POFUT1: variants seen among roughly 807,000 people sequenced by gnomAD.
POFUT1 encodes the protein GDP-fucose protein O-fucosyltransferase 1.
POFUT1 carries 16 observed loss-of-function variants against 42.4 expected under a neutral mutation model. The ratio of observed to expected loss-of-function variants is 0.38; its 90% CI spans 0.26 to 0.57. The LOEUF (loss-of-function observed/expected upper bound fraction) is 0.57, where lower values mean the gene tolerates loss of function less well. Ranked by LOEUF, POFUT1 falls within the 20% of genes least tolerant of loss-of-function variation. POFUT1 has a pLI of 0.71. For missense variants in POFUT1, 470 were observed against 504.6 expected, an observed-to-expected ratio of 0.93 and a Z score of 0.66; for synonymous variants, 206 against 205.4, an observed-to-expected ratio of 1.00 and a Z score of -0.03.
Position 32,234,851 on chromosome 20 carries a change from G to A in POFUT1, c.*190G>A. 1 of 533,640 alleles carries A rather than the reference G, an allele frequency of 1.9e-6. No homozygotes were observed. The highest frequency in any genetic ancestry group is 3.3e-6 in the Non-Finnish European group (1 of 305,356). 33.1% of individuals were successfully genotyped at this position (533,640 alleles called of 1,614,324 possible). A position where few individuals can be genotyped will look rare whatever the true frequency, so the allele number is the denominator to read the frequency against. On this transcript the variant is annotated 3_prime_UTR_variant, in exon 7 of 7. Coordinates refer to ENST00000375749, the MANE Select transcript of POFUT1 (RefSeq NM_015352.2). ...CATATCCCAGGGCATAGGACTTGCA[G>A]GTTCCTAGGAGCAGGAGCATCTCCC...
chr20:32,222,269 C>T (rs137993681), intron 4 of POFUT1, among the ~76,000 whole-genome samples: 320 of 152,300 alleles, frequency 2.1e-3, no homozygotes, highest in African/African-American at 7.4e-3. Context: ...TGCCACTGCA[C>T]TCTAGCTTGG....
intron 1 of POFUT1, 124 bp downstream of exon 1, chr20:32,208,189 C>T (rs2047304141): frequency 4.0e-6 from 4 of 990,740 alleles, no homozygotes; most frequent in Non-Finnish European, 5.9e-6. Context: ...CGGGACGGGG[C>T]ATGCTCTTCT....
rs200566139 is a variant in POFUT1, at chr20:32,217,152, CT to C, written c.542+432del. ...TTTATTAATTGCACCCCATTAGCCCCTGTTTTTAAAAAATATAGGTTAGCAG... is the reference window on the plus strand; with the variant it reads ...TTTATTAATTGCACCCCATTAGCCCCGTTTTTAAAAAATATAGGTTAGCAG... On this transcript the variant is annotated intron_variant, in intron 4 of 6. Transcript: ENST00000375749. The C allele has an allele frequency of 2.4e-3, 3,663 of 1,540,802 alleles. 60 individuals are homozygous for C. In the African/African-American group the frequency reaches 0.039, roughly 17 times the overall value.
rs757739392 is a variant in POFUT1 at position 32,228,458 on chromosome 20, A to G, written c.735+3A>G. On this transcript the variant is annotated splice_donor_region_variant and intron_variant, in intron 5 of 6. Transcript: ENST00000375749. ...ATCTGCGCATTGGCTCTGACTGGGT[A>G]ACTTCCCCCTTCCTCTCTCACTGGC... 6.2e-7 allele frequency: 1 copy of G among 1,613,054 alleles called. No homozygotes were observed. Among genetic ancestry groups the G allele is most frequent in the East Asian group, 2.2e-5 (1 of 44,872 alleles).
Position 32,235,582 on chromosome 20 carries a change from C to A in POFUT1, c.*921C>A, listed in dbSNP as rs1281938231. Reference sequence around the variant, plus strand: ...TTCAGGCCGTATTCTCACGAGGGAACGTTTGCCAAGGCTCTGACCTCACAG... The same window carrying A: ...TTCAGGCCGTATTCTCACGAGGGAAAGTTTGCCAAGGCTCTGACCTCACAG... On this transcript the variant is annotated 3_prime_UTR_variant, in exon 7 of 7. Coordinates refer to ENST00000375749, the MANE Select transcript of POFUT1 (RefSeq NM_015352.2). The A allele has an allele frequency of 6.6e-6, 1 of 152,264 alleles. No homozygotes were observed. Among genetic ancestry groups the A allele is most frequent in the South Asian group, 2.1e-4 (1 of 4,828 alleles). 9.4% of individuals were successfully genotyped at this position (152,264 alleles called of 1,614,324 possible).
chr20:32,228,389 G>T lies in POFUT1; in HGVS notation c.669G>T (p.Glu223Asp). The change falls in exon 5 of 7, where the codon GAG becomes GAT. Residue 223 changes from glutamate to aspartate, a missense_variant. Glu to Asp is a conservative substitution (Grantham distance 45). Coordinates refer to ENST00000375749, the MANE Select transcript of POFUT1 (RefSeq NM_015352.2). ...CAGACGAAATGGTGAAGACGGGAGA[G>T]GCCCAGATTCATGCCCACCTTGTCC... ...VWSDEMVKTG[E>D]AQIHAHLVRP... 6.2e-7 allele frequency: 1 copy of T among 1,614,206 alleles called. No homozygotes were observed. The highest frequency in any genetic ancestry group is 8.5e-7 in the Non-Finnish European group (1 of 1,180,026).
Position 32,238,466 on chromosome 20 carries a change from G to T in POFUT1, c.*3805G>T, listed in dbSNP as rs961638670. The stretch of plus-strand genomic sequence containing the variant: ...GTTATTTGAAAAAATATTTTTATTT[G>T]TAAGAGTTTTTCTTTATTTAAAATG... On this transcript the variant is annotated 3_prime_UTR_variant, in exon 7 of 7. Transcript: ENST00000375749. 3 of 151,874 alleles carry T rather than the reference G, an allele frequency of 2.0e-5. No homozygotes were observed. Among genetic ancestry groups the T allele is most frequent in the African/African-American group, 4.8e-5 (2 of 41,328 alleles). 9.4% of individuals were successfully genotyped at this position (151,874 alleles called of 1,614,324 possible). A position where few individuals can be genotyped will look rare whatever the true frequency, so the allele number is the denominator to read the frequency against.
At chr20:32,217,631 A>G in intron 4 of POFUT1, 3 of 985,882 alleles carry the variant, frequency 3.0e-6, no homozygotes, top group South Asian at 4.7e-5. Flanking sequence ...AAACAAGCAC[A>G]GGCCAAGGAG....
chr20:32,217,201 C>G (rs1246260805), intron 4 of POFUT1: 1 of 1,435,550 alleles, frequency 7.0e-7, no homozygotes, highest in African/African-American at 1.4e-5. Flanking sequence ...GGCCGTGAAA[C>G]ATTTATAGGG....
intron 5 of POFUT1, among the ~76,000 whole-genome samples, 192 bp from the exon 6 acceptor site, chr20:32,230,627 G>A (rs1226134686): frequency 2.0e-5 from 3 of 151,624 alleles, no homozygotes; most frequent in African/African-American, 4.9e-5. Context: ...CCCCAGAGGC[G>A]GAGGTTGCAG....
chr20:32,210,277 T>C, intron 2 of POFUT1, 85 bp downstream of exon 2: 1 of 1,395,340 alleles, frequency 7.2e-7, no homozygotes, highest in Non-Finnish European at 1.0e-6. Flanking sequence ...CCTCTGGGCT[T>C]TACCTCCCAC....
rs2047484964 is a variant in POFUT1 at position 32,238,527 on chromosome 20, A to T, written c.*3866A>T. The T allele has an allele frequency of 6.6e-6, 1 of 152,208 alleles. No individual in the cohort carries two copies. The allele number at this position is 152,208 out of a possible 1,614,324, so 9.4% of individuals were successfully genotyped here. A position where few individuals can be genotyped will look rare whatever the true frequency, so the allele number is the denominator to read the frequency against. The stretch of plus-strand genomic sequence containing the variant: ...AAGTTGTTGGACGGGAAGCAAAAAA[A>T]AAAAGTTGTTTAAGATAAATTCCCA... On this transcript the variant is annotated 3_prime_UTR_variant, in exon 7 of 7. Transcript: ENST00000375749.
At chr20:32,226,434 G>T (rs1208702663) in intron 4 of POFUT1, among the ~76,000 whole-genome samples, 1 of 149,200 alleles carries the variant, frequency 6.7e-6, no homozygotes, top group Non-Finnish European at 1.5e-5. Flanking sequence ...ACTTACTTCT[G>T]AGTGTGTGAG....
chr20:32,233,386 A>G (rs2047452623), intron 6 of POFUT1, among the ~76,000 whole-genome samples: 1 of 152,136 alleles, frequency 6.6e-6, no homozygotes, highest in Non-Finnish European at 1.5e-5. Flanking sequence ...GCACGCACAA[A>G]GGTCCTGAGG....
chr20:32,237,922 C>A lies in POFUT1; in HGVS notation c.*3261C>A. The A allele has an allele frequency of 2.1e-6, 1 of 466,494 alleles. No individual in the cohort carries two copies. The highest frequency in any genetic ancestry group is 1.5e-5 in the South Asian group (1 of 64,592). 28.9% of individuals were successfully genotyped at this position (466,494 alleles called of 1,614,324 possible). On this transcript the variant is annotated 3_prime_UTR_variant, in exon 7 of 7. Transcript: ENST00000375749. ...TGAACATATGTAATTATTTTTCAGT[C>A]TTTTTCAAAGATACAAATATTTACA...
rs1025040593 is a variant in POFUT1 at position 32,230,851 on chromosome 20, T to C, written c.768T>C (p.Thr256=). The change falls in exon 6 of 7, where the codon ACT becomes ACC. Residue 256 remains threonine (T), a synonymous_variant. Transcript: ENST00000375749. The part of the protein sequence containing the change: ...KNACAMLKDG[T]AGSHFMASPQ... Reference sequence around the variant, plus strand: ...CCTGTGCCATGCTGAAGGACGGGACTGCAGGCTCGCACTTCATGGCCTCTC... The same window carrying C: ...CCTGTGCCATGCTGAAGGACGGGACCGCAGGCTCGCACTTCATGGCCTCTC... The C allele has an allele frequency of 1.9e-6, 3 of 1,614,006 alleles. No individual in the cohort carries two copies. Among genetic ancestry groups the C allele is most frequent in the Non-Finnish European group, 1.7e-6 (2 of 1,180,052 alleles).
At chr20:32,230,248 G>A (rs1233350348) in intron 5 of POFUT1, among the ~76,000 whole-genome samples, 24 of 151,962 alleles carry the variant, frequency 1.6e-4, no homozygotes, top group African/African-American at 4.8e-4. Flanking sequence ...TTAGCTGGGC[G>A]TGGTGGTGGG....
At chr20:32,208,364 C>G (rs2047305848) in intron 1 of POFUT1, among the ~76,000 whole-genome samples, 1 of 152,072 alleles carries the variant, frequency 6.6e-6, no homozygotes. Flanking sequence ...ATGTCACTGA[C>G]CCACGCTGGC....
At chr20:32,217,427 C>A in intron 4 of POFUT1, 1 of 1,014,424 alleles carries the variant, frequency 9.9e-7, no homozygotes, top group Non-Finnish European at 1.2e-6. Flanking sequence ...CATGTGCGGT[C>A]AAAGCACTTG....
Sources: allele counts gnomAD v4.1 joint callset (sites outside exome capture counted in the v4.1 genomes callset), GRCh38; gene constraint gnomAD v4.1.1; transcripts MANE v1.5; gene names NCBI Gene and HGNC (gene_info 2026-07-23, HGNC 2026-07-21).